ANKHD1: variants seen among roughly 807,000 people sequenced by gnomAD.
The protein encoded by ANKHD1 is ankyrin repeat and KH domain-containing protein 1.
A neutral mutation model predicts 230.5 loss-of-function variants in ANKHD1; 31 were observed. The ratio of observed to expected loss-of-function variants is 0.13; its 90% CI spans 0.10 to 0.18. ANKHD1 has a LOEUF of 0.18. Ranked by LOEUF, ANKHD1 falls within the 10% of genes least tolerant of loss-of-function variation. The pLI, the probability that ANKHD1 is intolerant of heterozygous loss-of-function variation, is 1.00. For synonymous variants in ANKHD1, 1,074 were observed against 1,117.6 expected, an observed-to-expected ratio of 0.96 and a Z score of 0.78; for missense variants, 2,256 against 3,071.3, an observed-to-expected ratio of 0.73 and a Z score of 6.27.
chr5:140,535,786 G>T, intron 30 of ANKHD1: 1 of 326,976 alleles, frequency 3.1e-6, no homozygotes, highest in South Asian at 6.7e-5. Flanking sequence ...GCTGGGTGCA[G>T]TGGCTGACAC....
At position 140,510,038 on chromosome 5, in the gene ANKHD1, C is replaced by T. The variant is rs1203872856; in HGVS notation, c.3961C>T (p.Arg1321Cys). 2 of 1,613,434 alleles carry T rather than the reference C, an allele frequency of 1.2e-6. No homozygotes were observed. Among genetic ancestry groups the T allele is most frequent in the Non-Finnish European group, 1.7e-6 (2 of 1,179,592 alleles). ...TTACAGGGGAGCCCACATTGATGTT[C>T]GTAACAAAAAGGGAAATACGCCACT... is the stretch of plus-strand genomic sequence containing the variant. ...LIHRGAHIDV[R>C]NKKGNTPLWL... Residue 1321 changes from arginine (R) to cysteine (C), a missense_variant, in exon 22 of 34, where the codon CGT (arginine) becomes TGT (cysteine). Around this residue, in one of 13 missense-constraint regions of ANKHD1, gnomAD observed 195 missense variants for 340.3 expected, o/e 0.57. Transcript: ENST00000360839.
At chr5:140,449,081 T>C in intron 6 of ANKHD1, 130 bp from the exon 7 acceptor site, 3 of 974,474 alleles carry the variant, frequency 3.1e-6, no homozygotes. Flanking sequence ...CTGTTACTGA[T>C]TTATTTATTG....
chr5:140,460,916 T>C (rs1166958564), intron 9 of ANKHD1, among the ~76,000 whole-genome samples: 1 of 152,218 alleles, frequency 6.6e-6, no homozygotes, highest in African/African-American at 2.4e-5. Flanking sequence ...ATAATCATTC[T>C]AGTTATTGTA....
intron 14 of ANKHD1, 64 bp from the exon 15 acceptor site, chr5:140,496,450 TTTTTTC>T: frequency 6.0e-6 from 7 of 1,166,428 alleles, no homozygotes; most frequent in South Asian, 4.2e-5. Flanking sequence ...TTTCTTTTTT[TTTTTTC>T]TTTTCTTTTT....
chr5:140,480,924 G>A (rs1351995072), intron 10 of ANKHD1, among the ~76,000 whole-genome samples: 2 of 152,052 alleles, frequency 1.3e-5, no homozygotes, highest in Non-Finnish European at 2.9e-5. Context: ...ACTAAAATAT[G>A]ATTGCAGTTT....
At chr5:140,464,386 A>T (rs573225624) in intron 9 of ANKHD1, among the ~76,000 whole-genome samples, 225 of 152,306 alleles carry the variant, frequency 1.5e-3, no homozygotes, top group African/African-American at 5.3e-3. Flanking sequence ...TTTCTGAAAA[A>T]TGCTTAATAT....
At chr5:140,406,204 C>T (rs957516211) in intron 1 of ANKHD1, among the ~76,000 whole-genome samples, 4 of 151,220 alleles carry the variant, frequency 2.6e-5, no homozygotes, top group Non-Finnish European at 5.9e-5. Context: ...CGCCACTGCC[C>T]TCCAGGCAGG....
chr5:140,407,863 T>TGA (rs1377399601), intron 1 of ANKHD1, among the ~76,000 whole-genome samples: 4 of 152,126 alleles, frequency 2.6e-5, no homozygotes, highest in Admixed American at 2.6e-4. Flanking sequence ...TGTGTGTGTG[T>TGA]GACGGCCCTC....
At chr5:140,414,085 T>C (rs748127621) in intron 1 of ANKHD1, among the ~76,000 whole-genome samples, 1 of 152,174 alleles carries the variant, frequency 6.6e-6, no homozygotes, top group Non-Finnish European at 1.5e-5. Context: ...CCGGTCTATC[T>C]GTTCATCTGT....
intron 7 of ANKHD1, among the ~76,000 whole-genome samples, chr5:140,455,586 G>A (rs200151785): frequency 6.6e-6 from 1 of 152,018 alleles, no homozygotes; most frequent in Non-Finnish European, 1.5e-5. Flanking sequence ...ACGTAATCCA[G>A]CATATAAACA....
At position 140,468,274 on chromosome 5, in the gene ANKHD1, C is replaced by A. The variant is rs576843845; in HGVS notation, c.1782+3498C>A. 3.8e-3 allele frequency among the ~76,000 whole-genome samples: 545 copies of A among 144,514 alleles called. 4 individuals are homozygous for A. The highest frequency in any genetic ancestry group is 0.013 in the African/African-American group (513 of 38,934). 94.8% of individuals were successfully genotyped at this position (144,514 alleles called of 152,430 possible). On this transcript the variant is annotated intron_variant, in intron 10 of 33. Coordinates refer to ENST00000360839, the MANE Select transcript of ANKHD1 (RefSeq NM_017747.3). ...GCAAGACTCCGTCTCAAAAAAAAAA[C>A]AAAAAAAAACAAAAAAACAAAAACG...
In ANKHD1 at chr5:140,402,227, G is replaced by A; in HGVS notation, c.260G>A (p.Gly87Glu). The change falls in exon 1 of 34, where the codon GGG (glycine) becomes GAG (glutamate). Residue 87 changes from glycine (G) to glutamate (E), a missense_variant. Physicochemically the swap from Gly to Glu is moderately conservative, Grantham distance 98. Transcript: ENST00000360839. ...FKLAAAVLRT[G>E]GGGGASGSDE... is the part of the protein sequence containing the mutation. ...TTGGCGGCTGCCGTGCTGAGGACCG[G>A]GGGTGGAGGTGGTGCCTCTGGCAGT... 2 of 1,519,546 alleles carry A rather than the reference G, an allele frequency of 1.3e-6. No homozygotes were observed. The highest frequency in any genetic ancestry group is 1.8e-6 in the Non-Finnish European group (2 of 1,138,468). 94.1% of individuals were successfully genotyped at this position (1,519,546 alleles called of 1,614,324 possible).
At position 140,528,426 on chromosome 5, in the gene ANKHD1, C is replaced by T. The variant is rs1753691322; in HGVS notation, c.5480C>T (p.Pro1827Leu). The T allele has an allele frequency of 1.2e-6, 2 of 1,614,034 alleles. No individual in the cohort carries two copies. Among genetic ancestry groups the T allele is most frequent in the Non-Finnish European group, 1.7e-6 (2 of 1,180,038 alleles). ...SQATTLSTFQ[P>L]ANKLNKNVPT... is the part of the protein sequence containing the mutation. ...GCAACAACGTTATCTACGTTCCAGC[C>T]CGCTAATAAACTTAATAAGAATGTT... Residue 1827 changes from proline (P) to leucine (L), a missense_variant, in exon 29 of 34, where the codon CCC (proline) becomes CTC (leucine). Physicochemically the swap from Pro to Leu is moderately conservative, Grantham distance 98. This residue lies in a region of ANKHD1 where 778 missense variants were observed against 966.5 expected (regional missense o/e 0.80). Coordinates refer to ENST00000360839, the MANE Select transcript of ANKHD1 (RefSeq NM_017747.3).
chr5:140,435,463 C>T (rs760009409), intron 1 of ANKHD1, among the ~76,000 whole-genome samples: 38 of 151,254 alleles, frequency 2.5e-4, no homozygotes, highest in Admixed American at 1.8e-3. Flanking sequence ...CAGCAACCTG[C>T]GTCTTCTCCT....
At chr5:140,509,911 A>G in intron 21 of ANKHD1, 99 bp downstream of exon 21, 2 of 1,544,122 alleles carry the variant, frequency 1.3e-6, no homozygotes, top group East Asian at 2.3e-5. Flanking sequence ...TGATATTGTT[A>G]AGAAAAGATT....
intron 7 of ANKHD1, among the ~76,000 whole-genome samples, chr5:140,456,145 A>C (rs1018544836): frequency 6.6e-6 from 1 of 152,074 alleles, no homozygotes; most frequent in African/African-American, 2.4e-5. Flanking sequence ...TAGGAATCCA[A>C]CTTACAAGGG....
chr5:140,466,036 T>C (rs542397036), intron 10 of ANKHD1, among the ~76,000 whole-genome samples: 1 of 152,340 alleles, frequency 6.6e-6, no homozygotes, highest in Non-Finnish European at 1.5e-5. Context: ...TTACCTGGAT[T>C]CTCTCTTCAT....
At chr5:140,427,382 C>G (rs1772556196) in intron 1 of ANKHD1, among the ~76,000 whole-genome samples, 1 of 60,932 alleles carries the variant, frequency 1.6e-5, no homozygotes, top group Non-Finnish European at 3.4e-5. Context: ...CTGACCCCCC[C>G]CCACCTCCCT....
chr5:140,537,566 C>A lies in ANKHD1; in HGVS notation c.7205C>A (p.Ser2402Ter). The A allele has an allele frequency of 6.3e-7, 1 of 1,595,034 alleles. No individual in the cohort carries two copies. Among genetic ancestry groups the A allele is most frequent in the South Asian group, 1.1e-5 (1 of 87,624 alleles). The change falls in exon 31 of 34, where the codon TCA (serine) becomes TAA (stop). Residue 2402 changes from serine (S) to a stop codon, truncating the protein, a stop_gained. Coordinates refer to ENST00000360839, the MANE Select transcript of ANKHD1 (RefSeq NM_017747.3). LOFTEE classifies it high-confidence loss of function. ...VAPVGHSGIW[S>*]FGVNAVSEGL... ...CCCGTTGGACACAGTGGAATCTGGTCATTTGGTGTCAATGCTGTGTCAGGT... is the reference window on the plus strand; with the variant it reads ...CCCGTTGGACACAGTGGAATCTGGTAATTTGGTGTCAATGCTGTGTCAGGT...
Sources: allele counts gnomAD v4.1 joint callset (sites outside exome capture counted in the v4.1 genomes callset), GRCh38; gene constraint gnomAD v4.1.1; regional missense constraint gnomAD v4.1.1; transcripts MANE v1.5; gene names NCBI Gene and HGNC (gene_info 2026-07-23, HGNC 2026-07-21).